The following DHX8 variants were observed in gnomAD, a reference collection of about 807,000 sequenced individuals.
The protein encoded by DHX8 is DEAH-box helicase 8.
DHX8 carries 67 observed loss-of-function variants against 140.7 expected under a neutral mutation model. The ratio of observed to expected loss-of-function variants is 0.48; its 90% confidence interval spans 0.39 to 0.58. DHX8 has a LOEUF of 0.58. DHX8 is among the 20% of genes least tolerant of loss of function. DHX8 has a pLI of 0.00. For missense variants in DHX8, 887 were observed against 1,550.7 expected, an observed-to-expected ratio of 0.57 and a Z score of 7.19; for synonymous variants, 533 against 553.2, an observed-to-expected ratio of 0.96 and a Z score of 0.51.
At position 43,525,103 on chromosome 17, in the gene DHX8, C is replaced by T. The variant is rs1203288462; in HGVS notation, c.*1256C>T. On this transcript the variant is annotated 3_prime_UTR_variant, in exon 23 of 23. Transcript: ENST00000262415. ...GCCACTGTCCTCTGCACTGAGGAGG[C>T]TCCTTACCTGGCGGAACATCAGGCA... is the stretch of plus-strand genomic sequence containing the variant. The T allele has an allele frequency of 3.0e-6, 3 of 985,418 alleles. No individual in the cohort carries two copies. The highest frequency in any genetic ancestry group is 2.4e-6 in the Non-Finnish European group (2 of 829,940). 61.0% of individuals were successfully genotyped at this position (985,418 alleles called of 1,614,324 possible).
chr17:43,525,135 G>A lies in DHX8; in HGVS notation c.*1288G>A. ...CCTGGCGGAACATCAGGCAGGTCTTGCCAGGCCAGGTTTCGGAACTTACGG... is the reference window on the plus strand; with the variant it reads ...CCTGGCGGAACATCAGGCAGGTCTTACCAGGCCAGGTTTCGGAACTTACGG... On this transcript the variant is annotated 3_prime_UTR_variant, in exon 23 of 23. Transcript: ENST00000262415. 1.0e-6 allele frequency: 1 copy of A among 985,382 alleles called. No homozygotes were observed. Among genetic ancestry groups the A allele is most frequent in the Non-Finnish European group, 1.2e-6 (1 of 829,938 alleles). The allele number at this position is 985,382 out of a possible 1,614,324, so 61.0% of individuals were successfully genotyped here. A position where few individuals can be genotyped will look rare whatever the true frequency, so the allele number is the denominator to read the frequency against.
chr17:43,525,529 C>G lies in DHX8; in HGVS notation c.*1682C>G, dbSNP rs1970583506. The G allele has an allele frequency of 3.0e-6, 3 of 985,314 alleles. No homozygotes were observed. The highest frequency in any genetic ancestry group is 9.4e-5 in the South Asian group (2 of 21,288). The allele number at this position is 985,314 out of a possible 1,614,324, so 61.0% of individuals were successfully genotyped here. On this transcript the variant is annotated 3_prime_UTR_variant, in exon 23 of 23. Coordinates refer to ENST00000262415, the MANE Select transcript of DHX8 (RefSeq NM_004941.3). ...CCAGGCCAGTAATCAAGGGGCAGGG[C>G]ATTGTTGTGTGTTAACCTTGAAGGC...
At chr17:43,503,485 G>A (rs1969319136) in intron 11 of DHX8, among the ~76,000 whole-genome samples, 1 of 149,312 alleles carries the variant, frequency 6.7e-6, no homozygotes, top group African/African-American at 2.5e-5. Context: ...CAACAATTGC[G>A]AAACTCCATC....
chr17:43,489,262 C>T (rs1567673635), intron 1 of DHX8, among the ~76,000 whole-genome samples, 187 bp from the exon 2 acceptor site: 1 of 152,316 alleles, frequency 6.6e-6, no homozygotes, highest in East Asian at 1.9e-4. Flanking sequence ...GCCTTGGCCT[C>T]CCAGAGTGTT....
intron 1 of DHX8, 36 bp from the exon 2 acceptor site, chr17:43,489,413 G>A (rs1057075078): frequency 7.7e-7 from 1 of 1,294,780 alleles, no homozygotes; most frequent in East Asian, 2.3e-5. Context: ...TCTTGTTCAT[G>A]TCTCTTCTTT....
At position 43,497,103 on chromosome 17, in the gene DHX8, C is replaced by G. The variant is rs145604302; in HGVS notation, c.1300+835C>G. Among the ~76,000 whole-genome samples the G allele has an allele frequency of 6.4e-4, 98 of 152,270 alleles. 3 individuals are homozygous for G. The highest frequency in any genetic ancestry group is 2.2e-3 in the African/African-American group (90 of 41,560). ...CTTCTTTCTTCCTTCTAGGAGTAACCACCGTCCCACATTTGTGTTAATTAC... is the reference window on the plus strand; with the variant it reads ...CTTCTTTCTTCCTTCTAGGAGTAACGACCGTCCCACATTTGTGTTAATTAC... On this transcript the variant is annotated intron_variant, in intron 9 of 22. Transcript: ENST00000262415.
At chr17:43,516,368 A>G (rs1970113768) in intron 17 of DHX8, among the ~76,000 whole-genome samples, 1 of 152,154 alleles carries the variant, frequency 6.6e-6, no homozygotes, top group Non-Finnish European at 1.5e-5. Context: ...ATTGTTTCGT[A>G]ACTTGCATTT....
At position 43,484,062 on chromosome 17, in the gene DHX8, G is replaced by A. The variant is rs1391840697; in HGVS notation, c.25G>A (p.Gly9Arg). The A allele has an allele frequency of 6.2e-7, 1 of 1,614,220 alleles. No individual in the cohort carries two copies. Among genetic ancestry groups the A allele is most frequent in the Admixed American group, 1.7e-5 (1 of 60,020 alleles). MAVAVAMAGALIGSEPGPA... is the reference protein window; with the variant it reads MAVAVAMARALIGSEPGPA... Reference sequence around the variant, plus strand: ...CATGGCTGTGGCTGTAGCCATGGCGGGAGCCTTAATCGGGTCGGAGCCAGG... The same window carrying A: ...CATGGCTGTGGCTGTAGCCATGGCGAGAGCCTTAATCGGGTCGGAGCCAGG... Residue 9 changes from glycine to arginine, a missense_variant, in exon 1 of 23, where the codon GGA (glycine) becomes AGA (arginine). Physicochemically the swap from Gly to Arg is moderately radical, Grantham distance 125 (BLOSUM62 -2). Around this residue, in one of 9 missense-constraint regions of DHX8, gnomAD observed 32 missense variants for 25.1 expected, o/e 1.28. Coordinates refer to ENST00000262415, the MANE Select transcript of DHX8 (RefSeq NM_004941.3).
At chr17:43,531,806 A>T (rs1396357378) in intron 2 of DHX8, among the ~76,000 whole-genome samples, 2 of 152,096 alleles carry the variant, frequency 1.3e-5, no homozygotes, top group Non-Finnish European at 2.9e-5. Context: ...CTTCATTCAA[A>T]TCCCTTTGTA....
chr17:43,544,122 C>G (rs1172797620), intron 3 of DHX8: 1 of 152,258 alleles, frequency 6.6e-6, no homozygotes, highest in Non-Finnish European at 1.5e-5. Flanking sequence ...CCTTCCCTCT[C>G]AGAGACTGTC....
chr17:43,491,700 A>G (rs1278713657), intron 4 of DHX8, among the ~76,000 whole-genome samples: 1 of 152,222 alleles, frequency 6.6e-6, no homozygotes, highest in African/African-American at 2.4e-5. Context: ...TTTGGAGATT[A>G]TATCCTAATT....
In DHX8 at chr17:43,492,845, G is replaced by A. The variant is rs747507470; in HGVS notation, c.668G>A (p.Arg223Gln). ...AGGAATAAAGTGAAGTCTAGATATC[G>A]GTCCAGGAGCAGGAGTCAGAGTCCC... ...RERNKVKSRY[R>Q]SRSRSQSPPK... is the part of the protein sequence containing the mutation. Residue 223 changes from arginine to glutamine, a missense_variant, in exon 6 of 23, where the codon CGG becomes CAG. Around this residue, in one of 9 missense-constraint regions of DHX8, gnomAD observed 304 missense variants for 306.9 expected, o/e 0.99. Transcript: ENST00000262415. The A allele has an allele frequency of 1.2e-5, 19 of 1,614,056 alleles. No individual in the cohort carries two copies. The highest frequency in any genetic ancestry group is 2.7e-5 in the African/African-American group (2 of 74,920).
At chr17:43,508,589 A>C in intron 16 of DHX8, 69 bp downstream of exon 16, 1 of 1,031,696 alleles carries the variant, frequency 9.7e-7, no homozygotes, top group Middle Eastern at 2.5e-4. Context: ...TGTCAGCCAT[A>C]GTAGGGATTG....
chr17:43,534,499 GA>G (rs1350952865), intron 2 of DHX8, among the ~76,000 whole-genome samples: 1 of 151,466 alleles, frequency 6.6e-6, no homozygotes, highest in African/African-American at 2.4e-5. Flanking sequence ...GTCTCAAAAA[GA>G]AACAAAAAAC....
chr17:43,523,623 CT>C lies in DHX8; in HGVS notation c.3444-4del. 6.2e-7 allele frequency: 1 copy of C among 1,614,048 alleles called. No individual in the cohort carries two copies. Among genetic ancestry groups the C allele is most frequent in the Non-Finnish European group, 8.5e-7 (1 of 1,179,956 alleles). On this transcript the variant is annotated splice_polypyrimidine_tract_variant and splice_region_variant and intron_variant, in intron 22 of 22. Transcript: ENST00000262415. ...GGCTTGAGTACTATCTCTGTCCCCC[CT>C]CAGGGTGGTGTACCATGAGCTGGTG...
chr17:43,520,408 T>C, intron 19 of DHX8, 141 bp downstream of exon 19: 1 of 1,095,866 alleles, frequency 9.1e-7, no homozygotes. Context: ...AACCTGAATT[T>C]CTCCACTGTC....
intron 12 of DHX8, among the ~76,000 whole-genome samples, chr17:43,505,990 C>A (rs1417765233): frequency 2.0e-5 from 3 of 151,796 alleles, no homozygotes; most frequent in African/African-American, 7.3e-5. Context: ...AATGATATAT[C>A]TCAGAGATTT....
At chr17:43,486,665 G>T (rs1334732736) in intron 1 of DHX8, among the ~76,000 whole-genome samples, 1 of 152,060 alleles carries the variant, frequency 6.6e-6, no homozygotes, top group Admixed American at 6.6e-5. Context: ...TGGATCACGA[G>T]GTCAGGAGTT....
At chr17:43,488,245 T>C (rs190593998) in intron 1 of DHX8, among the ~76,000 whole-genome samples, 1 of 149,744 alleles carries the variant, frequency 6.7e-6, no homozygotes, top group East Asian at 1.9e-4. Flanking sequence ...GCCACTGCAC[T>C]CCAGCCTGGG....
Sources: gnomAD v4.1 joint callset for allele counts (sites outside exome capture counted in the v4.1 genomes callset) on GRCh38, gnomAD v4.1.1 for gene constraint, gnomAD v4.1.1 regional missense constraint, MANE v1.5 for transcripts, NCBI Gene and HGNC (gene_info 2026-07-23, HGNC 2026-07-21) for gene names.